The following CCDC149 variants were observed in gnomAD, a reference collection of about 807,000 sequenced individuals.
CCDC149 encodes the protein coiled-coil domain-containing protein 149.
In CCDC149, 45 loss-of-function variants were observed where a neutral mutation model predicts 59.9. The ratio of observed to expected loss-of-function variants is 0.75; its 90% CI spans 0.59 to 0.96. The LOEUF is 0.96. Among genes scored for constraint, CCDC149 ranks in the 40% least tolerant of loss-of-function variants. The probability of loss-of-function intolerance (pLI) is 0.00; values close to 1 mark genes in which losing one functional copy is unlikely to be tolerated. For synonymous variants in CCDC149, 245 were observed against 260.6 expected, an observed-to-expected ratio of 0.94 and a Z score of 0.58; for missense variants, 584 against 664.7, an observed-to-expected ratio of 0.88 and a Z score of 1.33.
At chr4:24,816,750 C>T (rs533182046) in intron 12 of CCDC149, among the ~76,000 whole-genome samples, 9 of 152,158 alleles carry the variant, frequency 5.9e-5, no homozygotes, top group South Asian at 2.1e-4. Context: ...CGGCTACAAA[C>T]GCATTATGAC....
rs1161640330 is a variant in CCDC149, at chr4:24,838,148, G to T, written c.489+8C>A. On this transcript the variant is annotated splice_region_variant and intron_variant, in intron 5 of 12. Transcript: ENST00000635206. ...CATCCCCCACTCTGAATAGATGTTA[G>T]TGAGAACCTGTTCCTTAGCTCGCTC... 1 of 1,603,120 alleles carries T rather than the reference G, an allele frequency of 6.2e-7. No individual in the cohort carries two copies. The highest frequency in any genetic ancestry group is 8.5e-7 in the Non-Finnish European group (1 of 1,169,902).
chr4:24,949,806 T>G (rs1477736550), intron 1 of CCDC149, among the ~76,000 whole-genome samples: 2 of 152,142 alleles, frequency 1.3e-5, no homozygotes, highest in African/African-American at 4.8e-5. Flanking sequence ...GGGAAGGAAG[T>G]GGCAGGCAGG....
chr4:24,948,606 C>A (rs1237359732), intron 1 of CCDC149, among the ~76,000 whole-genome samples: 3 of 152,188 alleles, frequency 2.0e-5, no homozygotes, highest in Non-Finnish European at 4.4e-5. Flanking sequence ...GATGTTGACA[C>A]CTACAACTCC....
At chr4:24,832,328 G>T (rs922242304) in intron 8 of CCDC149, among the ~76,000 whole-genome samples, 5 of 152,268 alleles carry the variant, frequency 3.3e-5, no homozygotes, top group Middle Eastern at 3.4e-3. Context: ...CAATAGCAAG[G>T]TGGCACAAAG....
intron 1 of CCDC149, among the ~76,000 whole-genome samples, chr4:24,901,355 G>A (rs1425833591): frequency 6.6e-6 from 1 of 152,186 alleles, no homozygotes; most frequent in Admixed American, 6.5e-5. Flanking sequence ...CAGGCAGTGA[G>A]TAGTAAATGT....
chr4:24,847,082 C>T (rs60201963), intron 4 of CCDC149, among the ~76,000 whole-genome samples: 17,760 of 152,154 alleles, frequency 0.12, 1,279 homozygotes, highest in African/African-American at 0.21. Flanking sequence ...GGCTGGTGAT[C>T]AGGAGGGCTG....
chr4:24,965,709 C>G (rs1454185573), intron 1 of CCDC149, among the ~76,000 whole-genome samples: 2 of 152,218 alleles, frequency 1.3e-5, no homozygotes, highest in African/African-American at 4.8e-5. Context: ...TCAGTGACTT[C>G]AGCTTCTACC....
chr4:24,875,709 C>T lies in CCDC149; in HGVS notation c.225+827G>A, dbSNP rs541546951. 3.3e-5 allele frequency among the ~76,000 whole-genome samples: 5 copies of T among 152,058 alleles called. No homozygotes were observed. The South Asian group carries it at 1.0e-3, about 32-fold the overall frequency. On this transcript the variant is annotated intron_variant, in intron 2 of 12. Coordinates refer to ENST00000635206, the MANE Select transcript of CCDC149 (RefSeq NM_001330643.2). ...TACAGTAGCCATCAGTCACATGAGC[C>T]CATGAAATGTGACATTGAGACTGAG... is the stretch of plus-strand genomic sequence containing the variant.
At chr4:24,866,428 G>A (rs1301869764) in intron 3 of CCDC149, among the ~76,000 whole-genome samples, 3 of 152,214 alleles carry the variant, frequency 2.0e-5, no homozygotes, top group East Asian at 3.9e-4. Context: ...AAATTAACCC[G>A]AGATAATTTA....
intron 1 of CCDC149, among the ~76,000 whole-genome samples, chr4:24,950,647 T>G (rs112789198): frequency 0.012 from 1,898 of 152,382 alleles, 37 homozygotes; most frequent in African/African-American, 0.043. Flanking sequence ...TGTTCTCATC[T>G]ATGAAATGGG....
intron 1 of CCDC149, among the ~76,000 whole-genome samples, chr4:24,899,467 G>A (rs781640076): frequency 6.6e-5 from 10 of 152,114 alleles, no homozygotes; most frequent in Non-Finnish European, 7.3e-5. Context: ...GAAGAGGAGA[G>A]TATCAGAGGC....
chr4:24,820,452 C>T (rs1012676662), intron 11 of CCDC149, among the ~76,000 whole-genome samples: 2 of 152,084 alleles, frequency 1.3e-5, no homozygotes, highest in African/African-American at 2.4e-5. Flanking sequence ...GTCACTGGAA[C>T]TCTGCAACTG....
At position 24,912,901 on chromosome 4, in the gene CCDC149, C is replaced by T; in HGVS notation, c.-22G>A. On this transcript the variant is annotated 5_prime_UTR_variant, in exon 1 of 13. Coordinates refer to ENST00000635206, the MANE Select transcript of CCDC149 (RefSeq NM_001330643.2). ...CCATGCGCTGGCCGGCCTCCTGGAC[C>T]CCCGCCGCCTCCTCCTCCTCGCGAC... 1 of 1,306,000 alleles carries T rather than the reference C, an allele frequency of 7.7e-7. No individual in the cohort carries two copies. The highest frequency in any genetic ancestry group is 9.9e-7 in the Non-Finnish European group (1 of 1,005,950). The allele number at this position is 1,306,000 out of a possible 1,614,324, so 80.9% of individuals were successfully genotyped here.
intron 12 of CCDC149, among the ~76,000 whole-genome samples, chr4:24,816,177 T>G (rs1205480918): frequency 6.6e-6 from 1 of 152,064 alleles, no homozygotes; most frequent in Non-Finnish European, 1.5e-5. Flanking sequence ...AGCCACAACC[T>G]CCTGGGTTCA....
At chr4:24,871,904 A>C (rs1719067692) in intron 3 of CCDC149, among the ~76,000 whole-genome samples, 1 of 152,218 alleles carries the variant, frequency 6.6e-6, no homozygotes, top group African/African-American at 2.4e-5. Context: ...TATCTATGAG[A>C]GAGAGAGACA....
chr4:24,900,501 T>C lies in CCDC149; in HGVS notation c.63+12316A>G, dbSNP rs1721105698. ...AGGTTGGTTCTGTACTCTGTATCAG[T>C]GCCCTGCCTCAGGTCCTGCACTACC... On this transcript the variant is annotated intron_variant, in intron 1 of 12. Transcript: ENST00000635206. Among the ~76,000 whole-genome samples, 3 of 152,192 alleles carry C rather than the reference T, an allele frequency of 2.0e-5. No individual in the cohort carries two copies. In the South Asian group the frequency reaches 6.2e-4, roughly 32 times the overall value.
intron 1 of CCDC149, among the ~76,000 whole-genome samples, chr4:24,970,982 A>G (rs1036928544): frequency 3.9e-5 from 6 of 152,300 alleles, no homozygotes; most frequent in African/African-American, 1.4e-4. Context: ...GATGAGGTTG[A>G]TCAGATGAGA....
At chr4:24,940,635 T>C (rs922731814) in intron 1 of CCDC149, among the ~76,000 whole-genome samples, 2 of 152,208 alleles carry the variant, frequency 1.3e-5, no homozygotes, top group African/African-American at 4.8e-5. Context: ...ATCAGTGTGC[T>C]ATATTCAGGA....
At position 24,868,894 on chromosome 4, in the gene CCDC149, G is replaced by A. The variant is rs192432979; in HGVS notation, c.264+4787C>T. ...GTTCGTTATGTTACTTCCTTGGGTA[G>A]TTTCCTTGAGCTCTATATGCTTTAA... On this transcript the variant is annotated intron_variant, in intron 3 of 12. Coordinates refer to ENST00000635206, the MANE Select transcript of CCDC149 (RefSeq NM_001330643.2). 2.5e-3 allele frequency among the ~76,000 whole-genome samples: 388 copies of A among 152,296 alleles called. 1 individual carries two copies. The highest frequency in any genetic ancestry group is 4.9e-3 in the Non-Finnish European group (330 of 68,020).
Sources: gnomAD v4.1 joint callset for allele counts (sites outside exome capture counted in the v4.1 genomes callset) on GRCh38, gnomAD v4.1.1 for gene constraint, MANE v1.5 for transcripts, NCBI Gene and HGNC (gene_info 2026-07-23, HGNC 2026-07-21) for gene names.